CCDC102B: variants seen among roughly 807,000 people sequenced by gnomAD.
CCDC102B encodes coiled-coil domain-containing protein 102B.
A neutral mutation model predicts 57.4 loss-of-function variants in CCDC102B; 75 were observed. The observed-to-expected ratio is 1.31, with a 90% CI of 1.08 to 1.58. CCDC102B has a LOEUF of 1.58. Among genes scored for constraint, CCDC102B ranks in the 40% most tolerant of loss-of-function variants. The probability of loss-of-function intolerance (pLI) is 0.00; values close to 1 mark genes in which losing one functional copy is unlikely to be tolerated. For missense variants in CCDC102B, 636 were observed against 582.6 expected, an observed-to-expected ratio of 1.09 and a Z score of -0.94; for synonymous variants, 206 against 201.9, an observed-to-expected ratio of 1.02 and a Z score of -0.17.
chr18:68,937,749 A>G (rs1426396581), intron 6 of CCDC102B, among the ~76,000 whole-genome samples: 1 of 150,574 alleles, frequency 6.6e-6, no homozygotes, highest in Non-Finnish European at 1.5e-5. Flanking sequence ...TCCCTCCCCT[A>G]TCCCCCTACC....
At chr18:68,724,235 C>T (rs2032490456) in intron 2 of CCDC102B, among the ~76,000 whole-genome samples, 1 of 152,166 alleles carries the variant, frequency 6.6e-6, no homozygotes, top group Non-Finnish European at 1.5e-5. Context: ...CCAGTTTTTC[C>T]TCCTAGGCCT....
rs2049473080 is a variant in CCDC102B at position 68,944,391 on chromosome 18, A to G, written c.1263+46963A>G. 2.0e-5 allele frequency among the ~76,000 whole-genome samples: 3 copies of G among 152,260 alleles called. No individual in the cohort carries two copies. The South Asian group carries it at 6.2e-4, about 32-fold the overall frequency. ...TCTGGATGGCTTAAAAACAACAGAA[A>G]TATATTTCTCACGTTTCCAGAGGCT... On this transcript the variant is annotated intron_variant, in intron 6 of 7. Transcript: ENST00000360242.
At chr18:69,051,528 C>A (rs183875293) in intron 7 of CCDC102B, among the ~76,000 whole-genome samples, 11 of 151,818 alleles carry the variant, frequency 7.2e-5, no homozygotes, top group African/African-American at 2.7e-4. Context: ...ATGAAATTTG[C>A]TATGTTGTTT....
intron 6 of CCDC102B, among the ~76,000 whole-genome samples, chr18:68,898,177 A>T (rs1314159551): frequency 6.6e-6 from 1 of 152,048 alleles, no homozygotes; most frequent in African/African-American, 2.4e-5. Flanking sequence ...TTTTTCAATT[A>T]TATATAGCAT....
rs188355024 is a variant in CCDC102B, at chr18:68,735,673, G to A, written c.-67+19079G>A. ...CTCCTCACACACCCGTGACTCTGCT[G>A]AACTGCTTGCACTTCTTACCAGGTG... On this transcript the variant is annotated intron_variant, in intron 2 of 3. Coordinates refer to the CCDC102B transcript ENST00000578970. Among the ~76,000 whole-genome samples, 10 of 152,250 alleles carry A rather than the reference G, an allele frequency of 6.6e-5. No individual in the cohort carries two copies. In the East Asian group the frequency reaches 1.9e-3, roughly 30 times the overall value.
intron 1 of CCDC102B, among the ~76,000 whole-genome samples, chr18:68,800,643 A>G (rs2035812517): frequency 6.6e-6 from 1 of 151,982 alleles, no homozygotes; most frequent in African/African-American, 2.4e-5. Context: ...GTGGCCAGGA[A>G]TAACACTGGG....
At chr18:68,834,130 A>G (rs1456176291) in intron 1 of CCDC102B, among the ~76,000 whole-genome samples, 1 of 152,142 alleles carries the variant, frequency 6.6e-6, no homozygotes, top group African/African-American at 2.4e-5. Flanking sequence ...GGACTGACTG[A>G]TTAAGCCCAA....
chr18:68,870,059 T>G (rs1040632299), intron 4 of CCDC102B, among the ~76,000 whole-genome samples: 1 of 152,114 alleles, frequency 6.6e-6, no homozygotes, highest in Non-Finnish European at 1.5e-5. Context: ...TTCTGAGGCC[T>G]CTGGAAACCA....
chr18:68,981,179 C>T (rs896242580), intron 6 of CCDC102B, among the ~76,000 whole-genome samples: 1 of 151,370 alleles, frequency 6.6e-6, no homozygotes, highest in Non-Finnish European at 1.5e-5. Context: ...AGATAGCAAA[C>T]TACAGAGAAC....
At chr18:68,904,515 T>C (rs1349762508) in intron 6 of CCDC102B, among the ~76,000 whole-genome samples, 1 of 152,200 alleles carries the variant, frequency 6.6e-6, no homozygotes, top group Non-Finnish European at 1.5e-5. Context: ...TGCCAAGTAA[T>C]TTCTGAAGTT....
intron 6 of CCDC102B, among the ~76,000 whole-genome samples, chr18:68,914,242 C>T (rs906342789): frequency 2.0e-5 from 3 of 152,152 alleles, no homozygotes; most frequent in Non-Finnish European, 2.9e-5. Context: ...GGGTTTCCTC[C>T]AGTTACTCCT....
chr18:68,887,222 T>C (rs1300948453), intron 5 of CCDC102B, among the ~76,000 whole-genome samples: 2 of 152,052 alleles, frequency 1.3e-5, no homozygotes, highest in African/African-American at 4.8e-5. Context: ...TTTTACTTTG[T>C]GGAGGTGAGA....
intron 2 of CCDC102B, among the ~76,000 whole-genome samples, chr18:68,749,719 C>G (rs889907502): frequency 6.6e-6 from 1 of 152,142 alleles, no homozygotes; most frequent in African/African-American, 2.4e-5. Context: ...ATGTCATCTG[C>G]AAACAGCGAC....
At chr18:68,854,724 G>A (rs894178613) in intron 4 of CCDC102B, among the ~76,000 whole-genome samples, 1 of 151,742 alleles carries the variant, frequency 6.6e-6, no homozygotes, top group African/African-American at 2.4e-5. Context: ...CTGCTACCTC[G>A]GGATCTGACT....
chr18:69,025,527 A>G (rs2051961955), intron 7 of CCDC102B, among the ~76,000 whole-genome samples: 1 of 152,222 alleles, frequency 6.6e-6, no homozygotes, highest in Non-Finnish European at 1.5e-5. Flanking sequence ...GTCATCTCCT[A>G]GAGATATAAA....
At chr18:68,783,283 T>G (rs1213672062) in intron 2 of CCDC102B, among the ~76,000 whole-genome samples, 1 of 152,104 alleles carries the variant, frequency 6.6e-6, no homozygotes, top group African/African-American at 2.4e-5. Flanking sequence ...TCACTAGGAG[T>G]GGAGAGCCTC....
Position 68,877,086 on chromosome 18 carries a change from G to A in CCDC102B, c.1053+2301G>A, listed in dbSNP as rs7238543. ...AAAATACTGAAAATAATCTTTGATA[G>A]CACATCAGTAGTAGCTTTTCTTGGT... is the stretch of plus-strand genomic sequence containing the variant. On this transcript the variant is annotated intron_variant, in intron 5 of 7. Coordinates refer to ENST00000360242, the MANE Select transcript of CCDC102B (RefSeq NM_024781.3). Among the ~76,000 whole-genome samples the A allele has an allele frequency of 5.6e-3, 850 of 152,256 alleles. 13 individuals are homozygous for A. The highest frequency in any genetic ancestry group is 0.019 in the African/African-American group (809 of 41,544).
intron 6 of CCDC102B, among the ~76,000 whole-genome samples, chr18:68,927,715 A>AT (rs1185940793): frequency 6.6e-6 from 1 of 151,978 alleles, no homozygotes; most frequent in Non-Finnish European, 1.5e-5. Flanking sequence ...CAAGACAGAA[A>AT]TTACCCAATG....
rs540364347 is a variant in CCDC102B at position 68,857,226 on chromosome 18, A to G, written c.936+10805A>G. ...ATAATATATAAAAATATATTTATAT[A>G]TTTTTATATATAAATATATATTTAT... On this transcript the variant is annotated intron_variant, in intron 4 of 7. Coordinates refer to ENST00000360242, the MANE Select transcript of CCDC102B (RefSeq NM_024781.3). 9.7e-3 allele frequency among the ~76,000 whole-genome samples: 446 copies of G among 45,752 alleles called. 71 individuals carry two copies. Among genetic ancestry groups the G allele is most frequent in the African/African-American group, 0.031 (388 of 12,400 alleles). 30.0% of individuals were successfully genotyped at this position (45,752 alleles called of 152,430 possible). A position where few individuals can be genotyped will look rare whatever the true frequency, so the allele number is the denominator to read the frequency against.
Sources: gnomAD v4.1 joint callset for allele counts (sites outside exome capture counted in the v4.1 genomes callset) on GRCh38, gnomAD v4.1.1 for gene constraint, MANE v1.5 for transcripts, NCBI Gene and HGNC (gene_info 2026-07-23, HGNC 2026-07-21) for gene names.